Variants in CCDC125 observed in about 807,000 individuals in gnomAD.
CCDC125 encodes the protein coiled-coil domain containing 125.
Under a neutral mutation model 57.4 loss-of-function variants are expected in CCDC125, and 43 were observed. The ratio of observed to expected loss-of-function variants is 0.75; its 90% CI spans 0.59 to 0.97. The LOEUF (loss-of-function observed/expected upper bound fraction) is 0.97. Among genes scored for constraint, CCDC125 ranks in the 50% least tolerant of loss-of-function variants. The pLI, the probability that CCDC125 is intolerant of heterozygous loss-of-function variation, is 0.00. For missense variants in CCDC125, 563 were observed against 595.7 expected (o/e 0.95, Z 0.57); for synonymous variants, 187 against 195.2 (o/e 0.96, Z 0.35).
downstream of CCDC125, chr5:69,276,744 C>T (rs750961947): frequency 6.8e-7 from 1 of 1,468,366 alleles, no homozygotes; most frequent in South Asian, 1.2e-5. Flanking sequence ...CTCCAAATAG[C>T]TCGTGTATGG....
intron 3 of CCDC125, 31 bp downstream of exon 3, chr5:69,313,954 T>A: frequency 6.6e-7 from 1 of 1,514,458 alleles, no homozygotes; most frequent in East Asian, 2.3e-5. Context: ...CCAGCTAAAC[T>A]GATAATTTTT....
chr5:69,274,337 T>G, the CCDC125 span, among the ~76,000 whole-genome samples: 2 of 152,184 alleles, frequency 1.3e-5, no homozygotes, highest in Non-Finnish European at 2.9e-5. Flanking sequence ...AAGTAATGCT[T>G]TAAAAATGCA....
intron 7 of CCDC125, among the ~76,000 whole-genome samples, chr5:69,302,660 G>A (rs577343801): frequency 6.6e-6 from 1 of 151,708 alleles, no homozygotes; most frequent in African/African-American, 2.4e-5. Flanking sequence ...AGGAGGCGGA[G>A]GTTGCAGTGA....
intron 11 of CCDC125, 100 bp downstream of exon 11, chr5:69,285,237 G>T: frequency 1.8e-6 from 2 of 1,108,440 alleles, no homozygotes; most frequent in Non-Finnish European, 2.6e-6. Flanking sequence ...TTTGTGTTGG[G>T]CCACATTCAA....
downstream of CCDC125, chr5:69,276,747 G>A (rs760698601): frequency 2.4e-5 from 35 of 1,447,164 alleles, no homozygotes; most frequent in Middle Eastern, 1.8e-4. Context: ...CAAATAGCTC[G>A]TGTATGGCTA....
intron 6 of CCDC125, among the ~76,000 whole-genome samples, chr5:69,306,159 C>G (rs13168973): frequency 6.6e-6 from 1 of 150,794 alleles, no homozygotes; most frequent in Non-Finnish European, 1.5e-5. Context: ...ACTCCTGAAC[C>G]AAAGCAGTCC....
At chr5:69,314,110 A>G in intron 2 of CCDC125, 64 bp from the exon 3 acceptor site, 8 of 1,117,356 alleles carry the variant, frequency 7.2e-6, no homozygotes, top group Admixed American at 7.1e-5. Flanking sequence ...CTAATTAAAC[A>G]TAGGACATTT....
At chr5:69,325,624 G>T (rs1190715789) in intron 1 of CCDC125, among the ~76,000 whole-genome samples, 1 of 150,632 alleles carries the variant, frequency 6.6e-6, no homozygotes, top group Non-Finnish European at 1.5e-5. Flanking sequence ...AAGAGTTTAG[G>T]ACCAGCCTGG....
chr5:69,313,223 G>A, intron 3 of CCDC125: 1 of 473,384 alleles, frequency 2.1e-6, no homozygotes, highest in Non-Finnish European at 3.9e-6. Context: ...GGGGGTGGGA[G>A]GTCTGTTTGG....
intron 8 of CCDC125, among the ~76,000 whole-genome samples, chr5:69,296,349 C>T (rs991276581): frequency 6.6e-6 from 1 of 151,838 alleles, no homozygotes; most frequent in Non-Finnish European, 1.5e-5. Context: ...GTCAGGAGTT[C>T]GAAACCAGCC....
chr5:69,291,399 T>A (rs1754436672), intron 10 of CCDC125, among the ~76,000 whole-genome samples: 1 of 151,840 alleles, frequency 6.6e-6, no homozygotes, highest in Non-Finnish European at 1.5e-5. Flanking sequence ...TCTCATTCCG[T>A]CGCCCAGTGC....
chr5:69,314,349 C>T (rs1311766008), intron 2 of CCDC125, among the ~76,000 whole-genome samples: 2 of 151,852 alleles, frequency 1.3e-5, no homozygotes, highest in Non-Finnish European at 2.9e-5. Flanking sequence ...CCTGTAGTCC[C>T]AGTTACTTGA....
chr5:69,319,074 C>T (rs965153341), intron 2 of CCDC125, among the ~76,000 whole-genome samples: 4 of 151,738 alleles, frequency 2.6e-5, no homozygotes, highest in African/African-American at 7.3e-5. Context: ...ACTACAAGCA[C>T]GTGCCACCAC....
chr5:69,307,797 A>T (rs1757569538), intron 5 of CCDC125, 154 bp downstream of exon 5: 1 of 622,140 alleles, frequency 1.6e-6, no homozygotes. Context: ...AATCTGTTTT[A>T]GATTGTAAAC....
In CCDC125 at chr5:69,286,188, CTATATATATATATATATATA is replaced by C. The variant is rs59035946; in HGVS notation, c.1100-741_1100-722del. On this transcript the variant is annotated intron_variant, in intron 10 of 11. Coordinates refer to ENST00000396496, the MANE Select transcript of CCDC125 (RefSeq NM_176816.5). The stretch of plus-strand genomic sequence containing the variant: ...ACTTAAAAACAGTTCAAATGGTAAA[CTATATATATATATATATATA>C]TATATATATATATATATATATATAT... Among the ~76,000 whole-genome samples, 78 of 51,342 alleles carry C rather than the reference CTATATATATATATATATATA, an allele frequency of 1.5e-3. 1 individual carries two copies. Among genetic ancestry groups the C allele is most frequent in the South Asian group, 5.4e-3 (8 of 1,478 alleles). The allele number at this position is 51,342 out of a possible 152,430, so 33.7% of individuals were successfully genotyped here.
chr5:69,311,423 G>T (rs977928271), intron 3 of CCDC125, among the ~76,000 whole-genome samples: 7 of 152,086 alleles, frequency 4.6e-5, no homozygotes, highest in Non-Finnish European at 8.8e-5. Flanking sequence ...GGCCAAGGTG[G>T]GTGGATCACC....
chr5:69,323,782 G>C (rs1760397284), intron 1 of CCDC125: 1 of 152,140 alleles, frequency 6.6e-6, no homozygotes, highest in Non-Finnish European at 1.5e-5. Flanking sequence ...TCCCCATGTG[G>C]AGACCACCCT....
At position 69,281,467 on chromosome 5, in the gene CCDC125, C is replaced by T. The variant is rs2150259945; in HGVS notation, c.*1262G>A. The T allele has an allele frequency of 1.3e-5, 2 of 152,238 alleles. No homozygotes were observed. Among genetic ancestry groups the T allele is most frequent in the Middle Eastern group, 6.8e-3 (2 of 294 alleles). The allele number at this position is 152,238 out of a possible 1,614,324, so 9.4% of individuals were successfully genotyped here. ...ATCATCACAACCATCTCACAGGATG[C>T]AATGAAAAGAGCTGTTAAGCACTTT... On this transcript the variant is annotated 3_prime_UTR_variant, in exon 12 of 12. Transcript: ENST00000396496.
downstream of CCDC125, among the ~76,000 whole-genome samples, chr5:69,277,776 A>C (rs1333016798): frequency 1.3e-5 from 2 of 152,138 alleles, no homozygotes; most frequent in Non-Finnish European, 2.9e-5. Flanking sequence ...TCTCAAAAAA[A>C]AAAAAAATGT....
Sources: allele counts gnomAD v4.1 joint callset (sites outside exome capture counted in the v4.1 genomes callset), GRCh38; gene constraint gnomAD v4.1.1; transcripts MANE v1.5; gene names NCBI Gene and HGNC (gene_info 2026-07-23, HGNC 2026-07-21).